Variants in IL2RB observed in about 807,000 individuals in gnomAD.
The protein encoded by IL2RB is interleukin-2 receptor subunit beta.
In IL2RB, 17 loss-of-function variants were observed where a neutral mutation model predicts 44.2. The observed-to-expected ratio is 0.38, with a 90% CI of 0.26 to 0.58. The LOEUF is 0.58. Among genes scored for constraint, IL2RB ranks in the 20% least tolerant of loss-of-function variants. IL2RB has a pLI of 0.63. For synonymous variants in IL2RB, 286 were observed against 297.9 expected, an observed-to-expected ratio of 0.96 and a Z score of 0.41; for missense variants, 624 against 685.5, an observed-to-expected ratio of 0.91 and a Z score of 1.00.
intron 4 of IL2RB, among the ~76,000 whole-genome samples, chr22:37,140,445 C>T (rs1033607318): frequency 2.6e-5 from 4 of 152,082 alleles, no homozygotes; most frequent in Non-Finnish European, 5.9e-5. Flanking sequence ...TCAACTTGGG[C>T]ACAGGCACTG....
chr22:37,143,433 A>G, intron 3 of IL2RB, 88 bp downstream of exon 3: 3 of 855,718 alleles, frequency 3.5e-6, no homozygotes, highest in East Asian at 2.5e-5. Context: ...AGATTCTGTA[A>G]ACGTTGACTC....
At chr22:37,144,471 C>G (rs1235031895) in intron 1 of IL2RB, among the ~76,000 whole-genome samples, 1 of 152,232 alleles carries the variant, frequency 6.6e-6, no homozygotes, top group Non-Finnish European at 1.5e-5. Flanking sequence ...CGTGGCCAGG[C>G]GTGTGGCTCA....
At chr22:37,137,785 C>T (rs764464996) in intron 5 of IL2RB, 50 bp from the exon 6 acceptor site, 3 of 1,546,000 alleles carry the variant, frequency 1.9e-6, no homozygotes, top group Non-Finnish European at 2.7e-6. Flanking sequence ...ACCTCCACCT[C>T]CCACTTTGTA....
intron 1 of IL2RB, among the ~76,000 whole-genome samples, chr22:37,163,600 C>T (rs1273010533): frequency 2.0e-5 from 3 of 152,210 alleles, no homozygotes; most frequent in Admixed American, 6.5e-5. Flanking sequence ...CCTTGCCTCC[C>T]TCAAGGGAGG....
chr22:37,159,794 GACAAGGATTCATGGAGAAGGACCCCCC>G (rs1161820828), intron 1 of IL2RB, among the ~76,000 whole-genome samples: 7 of 152,222 alleles, frequency 4.6e-5, no homozygotes, highest in Non-Finnish European at 1.0e-4. Context: ...CCTGACCAGT[GACAAGGATTCATGGAGAAGGACCCCCC>G]ACTTTGGTTG....
At chr22:37,170,140 G>A (rs1923232058) in intron 1 of IL2RB, among the ~76,000 whole-genome samples, 1 of 152,064 alleles carries the variant, frequency 6.6e-6, no homozygotes, top group Admixed American at 6.6e-5. Context: ...ATGAAGGGAT[G>A]AACAGACAGA....
Position 37,132,392 on chromosome 22 carries a change from C to T in IL2RB, c.895G>A (p.Asp299Asn), listed in dbSNP as rs766692890. The change falls in exon 9 of 10, where the codon GAC becomes AAC. Residue 299 changes from aspartate (D) to asparagine (N), a missense_variant. Physicochemically the swap from Asp to Asn is conservative, Grantham distance 23. Around this residue, in one of 3 missense-constraint regions of IL2RB, gnomAD observed 255 missense variants for 339.9 expected, o/e 0.75. Transcript: ENST00000216223. ...FSQLSSEHGG[D>N]VQKWLSSPFP... ...CCGCCCCGGCCTCCTACCTGGACGT[C>T]TCCTCCATGCTCTGAGCTCAGCTGG... 2 of 1,614,008 alleles carry T rather than the reference C, an allele frequency of 1.2e-6. No individual in the cohort carries two copies. Among genetic ancestry groups the T allele is most frequent in the South Asian group, 2.2e-5 (2 of 91,056 alleles).
chr22:37,156,112 C>T (rs767993602), intron 1 of IL2RB, among the ~76,000 whole-genome samples: 2 of 152,228 alleles, frequency 1.3e-5, no homozygotes, highest in Non-Finnish European at 2.9e-5. Flanking sequence ...GCCTCCCTCT[C>T]CACTCCGCCT....
At chr22:37,154,575 C>CTTTTTTTTTTTTTTTTTTTT (rs57147928), upstream of IL2RB, among the ~76,000 whole-genome samples, 1 of 141,608 alleles carries the variant, frequency 7.1e-6, no homozygotes. Context: ...CTTTTTTTTT[C>CTTTTTTTTTTTTTTTTTTTT]TTTTTTTTTT....
chr22:37,172,892 T>A (rs1247470403), intron 1 of IL2RB, among the ~76,000 whole-genome samples: 1 of 152,108 alleles, frequency 6.6e-6, no homozygotes, highest in East Asian at 1.9e-4. Flanking sequence ...CCCTGCCCTG[T>A]CTTGAGAACC....
chr22:37,172,442 C>A (rs1461981664), intron 1 of IL2RB, among the ~76,000 whole-genome samples: 1 of 152,082 alleles, frequency 6.6e-6, no homozygotes, highest in Non-Finnish European at 1.5e-5. Context: ...AGGGTTGGGG[C>A]CTCCCTTGGA....
At chr22:37,158,844 G>T (rs1399281718) in intron 1 of IL2RB, among the ~76,000 whole-genome samples, 3 of 152,188 alleles carry the variant, frequency 2.0e-5, no homozygotes, top group African/African-American at 7.2e-5. Flanking sequence ...ACCTGAAACT[G>T]TCCCTGAGTC....
At chr22:37,159,635 G>T (rs1007481298) in intron 1 of IL2RB, among the ~76,000 whole-genome samples, 9 of 152,196 alleles carry the variant, frequency 5.9e-5, no homozygotes, top group African/African-American at 2.2e-4. Flanking sequence ...TCTAAACAAG[G>T]TGAGGCCGAG....
Position 37,136,412 on chromosome 22 carries a change from T to C in IL2RB, c.538-19A>G. 2 of 1,597,488 alleles carry C rather than the reference T, an allele frequency of 1.3e-6. No individual in the cohort carries two copies. The highest frequency in any genetic ancestry group is 1.7e-6 in the Non-Finnish European group (2 of 1,173,134). ...GGGCCTCCTGGGTCGGAGACAGGAC[T>C]GTCAGCGCCCACCTCACCTCCCATG... On this transcript the variant is annotated intron_variant, in intron 6 of 9. Coordinates refer to ENST00000216223, the MANE Select transcript of IL2RB (RefSeq NM_000878.5).
At position 37,142,859 on chromosome 22, in the gene IL2RB, G is replaced by A. The variant is rs1016726013; in HGVS notation, c.204-347C>T. 9.5e-5 allele frequency: 38 copies of A among 398,316 alleles called. No homozygotes were observed. In the East Asian group the frequency reaches 2.1e-3, roughly 22 times the overall value. 24.7% of individuals were successfully genotyped at this position (398,316 alleles called of 1,614,324 possible). Reference sequence around the variant, plus strand: ...GATCCTTAATTAGGCCTTCAGAGCCGTGTGGAATCACCACCCACCCAGAAG... The same window carrying A: ...GATCCTTAATTAGGCCTTCAGAGCCATGTGGAATCACCACCCACCCAGAAG... On this transcript the variant is annotated intron_variant, in intron 3 of 9. Coordinates refer to ENST00000216223, the MANE Select transcript of IL2RB (RefSeq NM_000878.5).
intron 6 of IL2RB, among the ~76,000 whole-genome samples, chr22:37,137,371 G>T (rs1453427322): frequency 6.6e-6 from 1 of 152,184 alleles, no homozygotes; most frequent in Non-Finnish European, 1.5e-5. Flanking sequence ...TGTCAGCCTG[G>T]AACCTGCTGC....
intron 1 of IL2RB, among the ~76,000 whole-genome samples, chr22:37,147,968 G>A (rs969827687): frequency 3.3e-5 from 5 of 152,240 alleles, no homozygotes; most frequent in African/African-American, 1.2e-4. Context: ...GACCATCAAT[G>A]TTTTGTGTGG....
intron 6 of IL2RB, 48 bp from the exon 7 acceptor site, chr22:37,136,441 G>A: frequency 6.4e-7 from 1 of 1,557,588 alleles, no homozygotes; most frequent in Non-Finnish European, 8.7e-7. Flanking sequence ...TCCCATGGCA[G>A]GGCCAGGAGG....
chr22:37,130,479 G>T (rs1411422089), intron 9 of IL2RB, among the ~76,000 whole-genome samples: 1 of 152,220 alleles, frequency 6.6e-6, no homozygotes, highest in Non-Finnish European at 1.5e-5. Flanking sequence ...TGGCCCCTGT[G>T]GGTCCTAGGG....
Sources: allele counts gnomAD v4.1 joint callset (sites outside exome capture counted in the v4.1 genomes callset), GRCh38; gene constraint gnomAD v4.1.1; regional missense constraint gnomAD v4.1.1; transcripts MANE v1.5; gene names NCBI Gene and HGNC (gene_info 2026-07-23, HGNC 2026-07-21).